PKHD1: variants seen among roughly 807,000 people sequenced by gnomAD.
The protein encoded by PKHD1 is PKHD1 ciliary IPT domain containing fibrocystin/polyductin.
A neutral mutation model predicts 412.0 loss-of-function variants in PKHD1; 291 were observed. That is an observed-to-expected ratio of 0.71 (90% CI 0.64 to 0.78). PKHD1 has a LOEUF of 0.78. PKHD1 is among the 30% of genes least tolerant of loss of function. PKHD1 has a pLI of 0.00. For synonymous variants in PKHD1, 1,777 were observed against 1,821.5 expected (o/e 0.98, Z 0.62); for missense variants, 4,825 against 4,950.7 (o/e 0.97, Z 0.76).
intron 47 of PKHD1, among the ~76,000 whole-genome samples, chr6:51,869,331 T>G (rs1291260821): frequency 6.6e-6 from 1 of 152,174 alleles, no homozygotes; most frequent in Non-Finnish European, 1.5e-5. Flanking sequence ...TACTCAAGAA[T>G]AACCTCTATG....
At chr6:51,692,289 A>ACACACACACACC (rs1366295251) in intron 60 of PKHD1, among the ~76,000 whole-genome samples, 85 of 151,150 alleles carry the variant, frequency 5.6e-4, no homozygotes, top group African/African-American at 1.9e-3. Context: ...ACACACACAC[A>ACACACACACACC]CCACTGAGTT....
At chr6:51,889,896 TGAA>T (rs916809853) in intron 43 of PKHD1, among the ~76,000 whole-genome samples, 4 of 152,134 alleles carry the variant, frequency 2.6e-5, no homozygotes, top group Admixed American at 1.3e-4. Flanking sequence ...TGCTGAAAAC[TGAA>T]GGAGGATAGA....
At position 51,627,084 on chromosome 6, in the gene PKHD1, T is replaced by A. The variant is rs768476174; in HGVS notation, c.11698A>T (p.Thr3900Ser). ...TKPEEIPESQ[T>S]NNQNIHIHIS... ...TGGATATGAATATTTTGATTATTAG[T>A]CTGGGATTCAGGAATCTCTTCAGGT... is the stretch of plus-strand genomic sequence containing the variant. Residue 3900 changes from threonine (T) to serine (S), a missense_variant, in exon 66 of 67, where the codon ACT (threonine) becomes TCT (serine). Thr to Ser is a moderately conservative substitution (Grantham distance 58). Coordinates refer to ENST00000371117, the MANE Select transcript of PKHD1 (RefSeq NM_138694.4). 2.5e-6 allele frequency: 4 copies of A among 1,610,622 alleles called. No homozygotes were observed. Among genetic ancestry groups the A allele is most frequent in the Non-Finnish European group, 3.4e-6 (4 of 1,176,958 alleles).
chr6:51,988,247 T>A (rs1178040723), intron 35 of PKHD1, among the ~76,000 whole-genome samples: 1 of 152,214 alleles, frequency 6.6e-6, no homozygotes, highest in African/African-American at 2.4e-5. Flanking sequence ...ATTAATAAGC[T>A]ATACACTTAA....
chr6:52,052,424 C>T (rs991712457), intron 21 of PKHD1, among the ~76,000 whole-genome samples: 6 of 152,116 alleles, frequency 3.9e-5, no homozygotes, highest in African/African-American at 9.7e-5. Context: ...AAGGAAGAGC[C>T]GGGCCTGATC....
chr6:52,061,891 T>C (rs887536001), intron 14 of PKHD1, among the ~76,000 whole-genome samples: 7 of 152,148 alleles, frequency 4.6e-5, no homozygotes, highest in Admixed American at 2.0e-4. Context: ...TTTCAAGCTT[T>C]TATATTTTTA....
chr6:52,086,097 CACACA>C (rs1263950027), intron 1 of PKHD1, among the ~76,000 whole-genome samples: 6 of 146,146 alleles, frequency 4.1e-5, no homozygotes, highest in Non-Finnish European at 9.0e-5. Flanking sequence ...CACACATACA[CACACA>C]CAAAGTGTGT....
chr6:51,808,345 G>A (rs888230626), intron 52 of PKHD1, among the ~76,000 whole-genome samples: 1 of 152,064 alleles, frequency 6.6e-6, no homozygotes, highest in Non-Finnish European at 1.5e-5. Context: ...AAACTGGCTG[G>A]CTGGAAGACA....
chr6:51,776,449 A>T (rs2151163951), intron 53 of PKHD1, among the ~76,000 whole-genome samples: 1 of 152,090 alleles, frequency 6.6e-6, no homozygotes, highest in Admixed American at 6.6e-5. Context: ...TAACACAAAT[A>T]TTTCTTGATG....
intron 27 of PKHD1, among the ~76,000 whole-genome samples, chr6:52,041,001 A>C (rs1378913980): frequency 6.6e-6 from 1 of 152,212 alleles, no homozygotes; most frequent in East Asian, 1.9e-4. Flanking sequence ...AGAGGTGATG[A>C]TATCTTGCCA....
At chr6:51,980,398 G>A (rs919580212) in intron 35 of PKHD1, among the ~76,000 whole-genome samples, 9 of 152,116 alleles carry the variant, frequency 5.9e-5, no homozygotes, top group Non-Finnish European at 1.2e-4. Context: ...CAAATAATGT[G>A]CTACAGTTCA....
rs1191514826 is a variant in PKHD1, at chr6:52,080,003, A to G, written c.287T>C (p.Val96Ala). ...CAGACCCTCATGTGCTTCAGACAGC[A>G]CAGATCTGAGGACAGAAAGTGGAAA... ...LPVVTCRTRS[V>A]LSEAHEGLYF... The change falls in exon 5 of 67, where the codon GTG (valine) becomes GCG (alanine). Residue 96 changes from valine (V) to alanine (A), a missense_variant. Coordinates refer to ENST00000371117, the MANE Select transcript of PKHD1 (RefSeq NM_138694.4). 3 of 1,584,532 alleles carry G rather than the reference A, an allele frequency of 1.9e-6. No homozygotes were observed. The African/African-American group carries it at 4.0e-5, about 21-fold the overall frequency.
chr6:51,660,136 A>T (rs1370375297), intron 60 of PKHD1, among the ~76,000 whole-genome samples, 167 bp from the exon 61 acceptor site: 2 of 152,134 alleles, frequency 1.3e-5, no homozygotes, highest in African/African-American at 4.8e-5. Context: ...AAATATTTTT[A>T]AAAATTAAAT....
At chr6:51,671,371 G>A (rs1015666596) in intron 60 of PKHD1, among the ~76,000 whole-genome samples, 26 of 152,128 alleles carry the variant, frequency 1.7e-4, no homozygotes, top group African/African-American at 5.3e-4. Context: ...TCTTCACGTA[G>A]TTCTCGAGCC....
At chr6:51,932,455 G>C (rs376018450) in intron 37 of PKHD1, among the ~76,000 whole-genome samples, 1 of 152,046 alleles carries the variant, frequency 6.6e-6, no homozygotes, top group African/African-American at 2.4e-5. Context: ...CCTAAGCCTG[G>C]GGTCCTCTGG....
chr6:51,889,819 A>G (rs1416007593), intron 43 of PKHD1, among the ~76,000 whole-genome samples: 2 of 152,192 alleles, frequency 1.3e-5, no homozygotes, highest in Non-Finnish European at 2.9e-5. Context: ...AGACACTAGA[A>G]AAACCACTTC....
chr6:51,664,012 C>T (rs567100477), intron 60 of PKHD1, among the ~76,000 whole-genome samples: 2 of 152,254 alleles, frequency 1.3e-5, no homozygotes, highest in African/African-American at 4.8e-5. Context: ...TTCATACCTC[C>T]ATTCCTTATG....
chr6:51,978,703 T>G (rs1794767403), intron 35 of PKHD1, among the ~76,000 whole-genome samples: 1 of 152,170 alleles, frequency 6.6e-6, no homozygotes, highest in South Asian at 2.1e-4. Context: ...ATCAGCCCCC[T>G]TCTCTGCTCA....
chr6:51,623,775 C>T lies in PKHD1; in HGVS notation c.11785+3222G>A, dbSNP rs111922098. Among the ~76,000 whole-genome samples, 9 of 152,050 alleles carry T rather than the reference C, an allele frequency of 5.9e-5. No homozygotes were observed. In the South Asian group the frequency reaches 6.2e-4, roughly 11 times the overall value. On this transcript the variant is annotated intron_variant, in intron 66 of 66. Coordinates refer to ENST00000371117, the MANE Select transcript of PKHD1 (RefSeq NM_138694.4). ...ATTTTTTCTGTATTTTTAGTAGAGA[C>T]GGGGTTTCACCACATTGGCTAGGCT...
Sources: allele counts gnomAD v4.1 joint callset (sites outside exome capture counted in the v4.1 genomes callset), GRCh38; gene constraint gnomAD v4.1.1; transcripts MANE v1.5; gene names NCBI Gene and HGNC (gene_info 2026-07-23, HGNC 2026-07-21).